Variants in BRF1 observed in about 807,000 individuals in gnomAD.
BRF1 encodes the protein transcription factor IIIB 90 kDa subunit.
In BRF1, 59 loss-of-function variants were observed where a neutral mutation model predicts 81.7. The observed-to-expected ratio is 0.72, with a 90% CI of 0.59 to 0.90. BRF1 has a LOEUF of 0.90. Among genes scored for constraint, BRF1 ranks in the 40% least tolerant of loss-of-function variants. The probability of loss-of-function intolerance (pLI) is 0.00; values close to 1 mark genes in which losing one functional copy is unlikely to be tolerated. For missense variants in BRF1, 1,050 were observed against 936.3 expected (o/e 1.12, Z -1.58); for synonymous variants, 491 against 395.6 (o/e 1.24, Z -2.86).
chr14:105,246,250 G>A (rs772310289), intron 5 of BRF1, among the ~76,000 whole-genome samples: 14 of 151,762 alleles, frequency 9.2e-5, no homozygotes, highest in South Asian at 2.1e-4. Context: ...TTGAACAGAC[G>A]TTTCTCCAAA....
upstream of BRF1, among the ~76,000 whole-genome samples, chr14:105,304,134 G>A (rs1245713477): frequency 6.6e-6 from 1 of 152,226 alleles, no homozygotes; most frequent in Non-Finnish European, 1.5e-5. Context: ...GGCTGTACAG[G>A]ACAGGATTGG....
At chr14:105,222,131 A>G in intron 10 of BRF1, 1 of 510,770 alleles carries the variant, frequency 2.0e-6, no homozygotes, top group Non-Finnish European at 3.3e-6. Flanking sequence ...GGAGAGTTAA[A>G]GTACAGACAT....
chr14:105,257,327 G>A (rs1018186575), intron 3 of BRF1, among the ~76,000 whole-genome samples: 64 of 152,162 alleles, frequency 4.2e-4, no homozygotes, highest in African/African-American at 1.5e-3. Flanking sequence ...CAGAGCAGGG[G>A]TCCAAAGGAA....
intron 5 of BRF1, chr14:105,250,773 C>G (rs1323031388): frequency 2.7e-5 from 33 of 1,242,078 alleles, no homozygotes; most frequent in Non-Finnish European, 3.6e-5. Context: ...AACTTTGTCT[C>G]TCTTTGACAT....
At chr14:105,227,980 G>C (rs587774141) in intron 7 of BRF1, 1 of 152,184 alleles carries the variant, frequency 6.6e-6, no homozygotes, top group Admixed American at 6.6e-5. Flanking sequence ...TATGAAACAG[G>C]GCTGCGGTGC....
intron 1 of BRF1, among the ~76,000 whole-genome samples, chr14:105,312,827 C>T (rs115238849): frequency 0.018 from 2,761 of 152,318 alleles, 84 homozygotes; most frequent in African/African-American, 0.061. Context: ...GCAGGCGTGA[C>T]ACATGGTGTG....
At chr14:105,285,653 G>A (rs1474257838) in intron 2 of BRF1, among the ~76,000 whole-genome samples, 1 of 152,142 alleles carries the variant, frequency 6.6e-6, no homozygotes, top group Non-Finnish European at 1.5e-5. Flanking sequence ...AGACTAAATA[G>A]GTAAACTGGA....
chr14:105,283,926 G>A (rs1325259657), intron 2 of BRF1, among the ~76,000 whole-genome samples: 1 of 152,192 alleles, frequency 6.6e-6, no homozygotes, highest in African/African-American at 2.4e-5. Context: ...GGGCAGCGCA[G>A]CCCCAGCCCC....
intron 14 of BRF1, 100 bp from the exon 15 acceptor site, chr14:105,217,900 T>C (rs1891597778): frequency 6.5e-7 from 1 of 1,533,010 alleles, no homozygotes. Flanking sequence ...GGGTGAGGCC[T>C]GGCTCAGGCC....
intron 10 of BRF1, among the ~76,000 whole-genome samples, chr14:105,225,475 T>C (rs1236527986): frequency 6.6e-6 from 1 of 152,058 alleles, no homozygotes; most frequent in Non-Finnish European, 1.5e-5. Context: ...AAAACACAGA[T>C]CTGATGATTG....
intron 3 of BRF1, among the ~76,000 whole-genome samples, chr14:105,263,239 A>AC (rs1240759761): frequency 1.3e-5 from 2 of 151,050 alleles, no homozygotes; most frequent in Non-Finnish European, 3.0e-5. Flanking sequence ...TCCATCAAAA[A>AC]AAAAAAAAAA....
At chr14:105,259,113 ACCTATTCCACT>A (rs997451837) in intron 3 of BRF1, among the ~76,000 whole-genome samples, 3 of 152,090 alleles carry the variant, frequency 2.0e-5, no homozygotes, top group Admixed American at 1.3e-4. Context: ...CCTCTGACCC[ACCTATTCCACT>A]CCTAGGTATT....
intron 1 of BRF1, among the ~76,000 whole-genome samples, chr14:105,312,389 G>C (rs2058372020): frequency 6.6e-6 from 1 of 152,224 alleles, no homozygotes; most frequent in African/African-American, 2.4e-5. Context: ...GGTAGGACCA[G>C]CTTTCAGGTT....
At chr14:105,274,116 A>G (rs1887289019) in intron 2 of BRF1, among the ~76,000 whole-genome samples, 1 of 152,212 alleles carries the variant, frequency 6.6e-6, no homozygotes, top group African/African-American at 2.4e-5. Flanking sequence ...CTCCGCTGAG[A>G]TGTTTGGGCG....
intron 1 of BRF1, among the ~76,000 whole-genome samples, chr14:105,307,822 C>T (rs2058233393): frequency 6.6e-6 from 1 of 152,216 alleles, no homozygotes; most frequent in Non-Finnish European, 1.5e-5. Flanking sequence ...AGGCAAGTCC[C>T]TGTTCCTGTC....
intron 7 of BRF1, 74 bp downstream of exon 7, chr14:105,228,746 C>G (rs969358096): frequency 1.9e-6 from 3 of 1,556,438 alleles, no homozygotes; most frequent in Non-Finnish European, 2.6e-6. Flanking sequence ...GTGGCGCCTG[C>G]TCTGGCAAGC....
rs587710504 is a variant in BRF1 at position 105,227,144 on chromosome 14, G to C, written c.789-384C>G. On this transcript the variant is annotated intron_variant, in intron 7 of 17. Coordinates refer to ENST00000547530, the MANE Select transcript of BRF1 (RefSeq NM_001519.4). ...AAATACATAAAAAATAAAAGGCCAG[G>C]TGCTGTGGCTCATGCCTGTAATCCC... 1.7e-5 allele frequency: 4 copies of C among 236,488 alleles called. No individual in the cohort carries two copies. The East Asian group carries it at 6.1e-4, about 36-fold the overall frequency. The allele number at this position is 236,488 out of a possible 1,614,324, so 14.6% of individuals were successfully genotyped here. A position where few individuals can be genotyped will look rare whatever the true frequency, so the allele number is the denominator to read the frequency against.
chr14:105,228,734 A>T (rs956232728), intron 7 of BRF1, 86 bp downstream of exon 7: 2 of 1,457,010 alleles, frequency 1.4e-6, no homozygotes, highest in African/African-American at 2.8e-5. Context: ...GGGTCCCGGG[A>T]GGTGGCGCCT....
At chr14:105,215,773 A>G (rs28634056) in intron 15 of BRF1, among the ~76,000 whole-genome samples, 45,604 of 136,030 alleles carry the variant, frequency 0.34, 9,169 homozygotes, top group African/African-American at 0.58. Flanking sequence ...ACATGCACAC[A>G]CACTGCACAC....
Sources: allele counts gnomAD v4.1 joint callset (sites outside exome capture counted in the v4.1 genomes callset), GRCh38; gene constraint gnomAD v4.1.1; transcripts MANE v1.5; gene names NCBI Gene and HGNC (gene_info 2026-07-23, HGNC 2026-07-21).